TBCK: variants seen among roughly 807,000 people sequenced by gnomAD.
TBCK encodes TBC1 domain containing kinase.
A neutral mutation model predicts 113.4 loss-of-function variants in TBCK; 99 were observed. That is an observed-to-expected ratio of 0.87 (90% CI 0.74 to 1.03). The LOEUF (loss-of-function observed/expected upper bound fraction) is 1.03. TBCK is among the 50% of genes least tolerant of loss of function. TBCK has a pLI of 0.00. For missense variants in TBCK, 1,045 were observed against 1,061.3 expected (o/e 0.98, Z 0.21); for synonymous variants, 369 against 370.8 (o/e 1.00, Z 0.05).
At chr4:106,260,917 T>C (rs542862624) in intron 4 of TBCK, among the ~76,000 whole-genome samples, 312 of 152,150 alleles carry the variant, frequency 2.1e-3, no homozygotes, top group Middle Eastern at 0.01. Flanking sequence ...AGTCCATTTA[T>C]AGTTATAATT....
intron 17 of TBCK, among the ~76,000 whole-genome samples, chr4:106,232,633 T>C (rs369342729): frequency 3.3e-5 from 5 of 151,892 alleles, no homozygotes; most frequent in East Asian, 1.9e-4. Flanking sequence ...CTAGCCCCAA[T>C]TGATTTAACA....
chr4:106,252,791 C>A (rs139265925), intron 5 of TBCK, among the ~76,000 whole-genome samples: 19 of 152,002 alleles, frequency 1.2e-4, no homozygotes, highest in Admixed American at 1.2e-3. Context: ...ATTCCAAGAT[C>A]GTAAGGTATG....
chr4:106,239,490 A>G (rs1373147089), intron 12 of TBCK, among the ~76,000 whole-genome samples: 2 of 152,020 alleles, frequency 1.3e-5, no homozygotes, highest in African/African-American at 4.8e-5. Flanking sequence ...AAAAAACAAA[A>G]CAGGATAAAG....
At position 106,064,902 on chromosome 4, in the gene TBCK, T is replaced by C. The variant is rs189156592; in HGVS notation, c.2572-18222A>G. Among the ~76,000 whole-genome samples the C allele has an allele frequency of 5.3e-4, 81 of 152,046 alleles. 1 individual carries two copies. Among genetic ancestry groups the C allele is most frequent in the African/African-American group, 1.8e-3 (76 of 41,540 alleles). ...GGGAGGAAAACAGCACAATAACACA[T>C]TAAGCATGCTATGGTACCAACTCAT... On this transcript the variant is annotated intron_variant, in intron 25 of 25. Transcript: ENST00000394708.
intron 16 of TBCK, 87 bp from the exon 17 acceptor site, chr4:106,233,151 G>T: frequency 1.6e-6 from 2 of 1,272,954 alleles, no homozygotes; most frequent in Non-Finnish European, 1.1e-6. Flanking sequence ...ATAAGGAAAA[G>T]GAGAAGCTAT....
chr4:106,216,648 T>C (rs577944754), intron 19 of TBCK, among the ~76,000 whole-genome samples: 3 of 152,028 alleles, frequency 2.0e-5, no homozygotes, highest in Non-Finnish European at 4.4e-5. Context: ...ACACATACAC[T>C]CTCCCAAGAC....
chr4:106,299,876 T>C (rs1766736413), intron 2 of TBCK, among the ~76,000 whole-genome samples: 2 of 152,206 alleles, frequency 1.3e-5, no homozygotes, highest in South Asian at 4.1e-4. Context: ...TAGTCTTACT[T>C]CTAACAAAGA....
At chr4:106,144,407 A>G (rs534033865) in intron 23 of TBCK, among the ~76,000 whole-genome samples, 26 of 152,236 alleles carry the variant, frequency 1.7e-4, no homozygotes, top group African/African-American at 6.3e-4. Flanking sequence ...ATGTTCCCAG[A>G]CACCTCTCCT....
intron 23 of TBCK, among the ~76,000 whole-genome samples, chr4:106,165,554 A>ACAT (rs1372351223): frequency 6.6e-6 from 1 of 151,798 alleles, no homozygotes; most frequent in Non-Finnish European, 1.5e-5. Context: ...GAATACTAGA[A>ACAT]CATCATGTCC....
At chr4:106,233,708 A>T (rs1455927438) in intron 15 of TBCK, 58 bp from the exon 16 acceptor site, 3 of 1,326,936 alleles carry the variant, frequency 2.3e-6, no homozygotes, top group Non-Finnish European at 3.1e-6. Flanking sequence ...AAATAGTAAT[A>T]TAGAGAAATC....
intron 25 of TBCK, among the ~76,000 whole-genome samples, chr4:106,072,527 C>A (rs562019376): frequency 1.3e-5 from 2 of 152,310 alleles, no homozygotes; most frequent in South Asian, 4.1e-4. Flanking sequence ...TGCCTGTTAA[C>A]ATTTTTTCCT....
intron 20 of TBCK, among the ~76,000 whole-genome samples, chr4:106,204,798 G>T (rs1030642863): frequency 8.1e-6 from 1 of 122,822 alleles, no homozygotes; most frequent in Non-Finnish European, 1.6e-5. Context: ...TCGCTCTGTC[G>T]CCCAGGCCGG....
intron 11 of TBCK, 107 bp from the exon 12 acceptor site, chr4:106,242,676 T>A: frequency 1.6e-6 from 1 of 638,964 alleles, no homozygotes; most frequent in Non-Finnish European, 2.5e-6. Context: ...AAAAAAGAAT[T>A]AAACTTTAGA....
At chr4:106,215,469 CA>C (rs1441428796) in intron 19 of TBCK, among the ~76,000 whole-genome samples, 1 of 152,050 alleles carries the variant, frequency 6.6e-6, no homozygotes, top group Non-Finnish European at 1.5e-5. Context: ...TTCAGGATAC[CA>C]ATCTCACGTG....
At chr4:106,109,428 C>G (rs1365855101) in intron 24 of TBCK, among the ~76,000 whole-genome samples, 1 of 152,080 alleles carries the variant, frequency 6.6e-6, no homozygotes, top group Non-Finnish European at 1.5e-5. Flanking sequence ...GAAACAGGCA[C>G]ATAGACTAAT....
intron 23 of TBCK, among the ~76,000 whole-genome samples, chr4:106,127,517 TA>T (rs1361363642): frequency 3.9e-5 from 6 of 152,032 alleles, no homozygotes; most frequent in African/African-American, 1.2e-4. Context: ...CAGAAATATT[TA>T]AAAAATACAA....
intron 25 of TBCK, among the ~76,000 whole-genome samples, chr4:106,059,552 T>G (rs753199177): frequency 2.6e-5 from 4 of 151,686 alleles, no homozygotes; most frequent in Non-Finnish European, 5.9e-5. Flanking sequence ...GCAAACTTAG[T>G]GAATAAATGT....
intron 24 of TBCK, among the ~76,000 whole-genome samples, chr4:106,104,909 G>A (rs1410565749): frequency 6.6e-6 from 1 of 152,216 alleles, no homozygotes; most frequent in Non-Finnish European, 1.5e-5. Flanking sequence ...CAGCCCTACA[G>A]AAAAGTGGGC....
rs186126940 is a variant in TBCK, at chr4:106,147,803, T to A, written c.2235+23292A>T. On this transcript the variant is annotated intron_variant, in intron 23 of 25. Coordinates refer to ENST00000394708, the MANE Select transcript of TBCK (RefSeq NM_001163435.3). ...AAAAGAACAGGATAACAGCAATGTT[T>A]AGGAAACAAGAGAGATAACCTTAAA... Among the ~76,000 whole-genome samples the A allele has an allele frequency of 5.7e-3, 864 of 152,290 alleles. 10 individuals are homozygous for A. Among genetic ancestry groups the A allele is most frequent in the African/African-American group, 0.02 (835 of 41,572 alleles).
Sources: gnomAD v4.1 joint callset for allele counts (sites outside exome capture counted in the v4.1 genomes callset) on GRCh38, gnomAD v4.1.1 for gene constraint, MANE v1.5 for transcripts, NCBI Gene and HGNC (gene_info 2026-07-23, HGNC 2026-07-21) for gene names.